BANP: variants seen among roughly 807,000 people sequenced by gnomAD.
BANP encodes BTG3 associated nuclear protein.
A neutral mutation model predicts 68.1 loss-of-function variants in BANP; 11 were observed. The ratio of observed to expected loss-of-function variants is 0.16; its 90% confidence interval spans 0.10 to 0.27. BANP has a LOEUF of 0.27. BANP is among the 10% of genes least tolerant of loss of function. The pLI, the probability that BANP is intolerant of heterozygous loss-of-function variation, is 1.00. For synonymous variants in BANP, 329 were observed against 303.2 expected (o/e 1.09, Z -0.88); for missense variants, 504 against 722.7 (o/e 0.70, Z 3.47).
chr16:87,952,754 G>A (rs1019299112), intron 1 of BANP: 3 of 152,148 alleles, frequency 2.0e-5, no homozygotes, highest in African/African-American at 7.2e-5. Flanking sequence ...TGCGATGTTG[G>A]ATTCTGTCAT....
At chr16:87,954,095 C>T (rs62053961) in intron 1 of BANP, among the ~76,000 whole-genome samples, 5 of 152,106 alleles carry the variant, frequency 3.3e-5, no homozygotes, top group African/African-American at 1.2e-4. Flanking sequence ...AGTTCTTCCT[C>T]TCCAGCTCTG....
rs575584318 is a variant in BANP, at chr16:88,020,267, T to C, written c.895+1600T>C. ...CAGCCACAGACGAGGAGTCAGCGCA[T>C]GGTCGTGGATGTGCTCCAACAGGAC... On this transcript the variant is annotated intron_variant, in intron 7 of 13. Transcript: ENST00000682872. 2.0e-5 allele frequency among the ~76,000 whole-genome samples: 3 copies of C among 152,368 alleles called. No individual in the cohort carries two copies. In the East Asian group the frequency reaches 5.8e-4, roughly 29 times the overall value.
chr16:88,049,027 A>G lies in BANP; in HGVS notation c.1311+11016A>G, dbSNP rs556894844. Among the ~76,000 whole-genome samples, 145 of 152,216 alleles carry G rather than the reference A, an allele frequency of 9.5e-4. 2 individuals carry two copies. The highest frequency in any genetic ancestry group is 8.1e-3 in the Admixed American group (124 of 15,290). ...CTCACACCGTGACCATCATCAACAC[A>G]CAAAAAGACTGCTGGGACCAAACGT... is the stretch of plus-strand genomic sequence containing the variant. On this transcript the variant is annotated intron_variant, in intron 11 of 13. Coordinates refer to ENST00000682872, the MANE Select transcript of BANP (RefSeq NM_001386991.1).
intron 13 of BANP, among the ~76,000 whole-genome samples, chr16:88,075,444 C>T (rs1449095065): frequency 6.6e-6 from 1 of 152,132 alleles, no homozygotes; most frequent in Non-Finnish European, 1.5e-5. Flanking sequence ...TCGAGGCGGC[C>T]GTGAGGTGTG....
chr16:87,992,315 T>C (rs1226556210), intron 4 of BANP, among the ~76,000 whole-genome samples: 1 of 152,228 alleles, frequency 6.6e-6, no homozygotes, highest in Non-Finnish European at 1.5e-5. Context: ...TCTGCAGTTT[T>C]CTTTTTTTTG....
chr16:87,998,218 G>C (rs776237986), intron 4 of BANP, among the ~76,000 whole-genome samples: 14 of 152,174 alleles, frequency 9.2e-5, no homozygotes, highest in Non-Finnish European at 1.9e-4. Flanking sequence ...CCCTGTACAG[G>C]GGAAGGCCAC....
intron 6 of BANP, among the ~76,000 whole-genome samples, chr16:88,017,885 A>T (rs1055219916): frequency 1.6e-4 from 24 of 152,204 alleles, no homozygotes; most frequent in African/African-American, 5.6e-4. Context: ...TGCTGGCGTC[A>T]AGGGCATGCT....
intron 11 of BANP, 120 bp downstream of exon 11, chr16:88,038,131 G>T (rs2079843164): frequency 1.0e-6 from 1 of 966,022 alleles, no homozygotes; most frequent in East Asian, 2.6e-5. Flanking sequence ...TGGGCATTGC[G>T]CTGCCGAGGG....
chr16:88,073,035 G>A (rs2090750611), intron 13 of BANP, among the ~76,000 whole-genome samples: 1 of 152,232 alleles, frequency 6.6e-6, no homozygotes, highest in South Asian at 2.1e-4. Flanking sequence ...TCCACCTTCA[G>A]TGCTTAGAAT....
At chr16:88,016,227 C>T (rs1014486980) in intron 6 of BANP, among the ~76,000 whole-genome samples, 11 of 152,264 alleles carry the variant, frequency 7.2e-5, no homozygotes, top group African/African-American at 2.7e-4. Context: ...GGCCTCCCGT[C>T]CATGCAGGAG....
intron 2 of BANP, among the ~76,000 whole-genome samples, chr16:87,978,899 C>G (rs2062729409): frequency 6.6e-6 from 1 of 152,252 alleles, no homozygotes; most frequent in Non-Finnish European, 1.5e-5. Context: ...GGCCCCAGCT[C>G]AGGGCGGCCA....
In BANP at chr16:87,981,940, T is replaced by C. The variant is rs1490346515; in HGVS notation, c.162+813T>C. 2.6e-5 allele frequency among the ~76,000 whole-genome samples: 4 copies of C among 152,244 alleles called. No individual in the cohort carries two copies. In the East Asian group the frequency reaches 7.7e-4, roughly 29 times the overall value. On this transcript the variant is annotated intron_variant, in intron 3 of 13. Coordinates refer to ENST00000682872, the MANE Select transcript of BANP (RefSeq NM_001386991.1). The stretch of plus-strand genomic sequence containing the variant: ...TAAATATCGGCACATGTGAGAAGGT[T>C]ATGAGAGCAACACAAAACCAAAGTC...
chr16:88,074,919 C>T (rs1465316831), intron 13 of BANP, among the ~76,000 whole-genome samples: 2 of 152,206 alleles, frequency 1.3e-5, no homozygotes, highest in Non-Finnish European at 2.9e-5. Flanking sequence ...AAAGCACAAC[C>T]TGGACCAGGT....
intron 1 of BANP, among the ~76,000 whole-genome samples, chr16:87,959,580 G>A (rs373865894): frequency 5.3e-5 from 8 of 152,366 alleles, no homozygotes; most frequent in Middle Eastern, 3.4e-3. Flanking sequence ...CAGCGCTGGC[G>A]TCAGCCACAG....
chr16:87,983,788 T>G (rs138490135), intron 3 of BANP, among the ~76,000 whole-genome samples: 1,765 of 152,330 alleles, frequency 0.012, 34 homozygotes, highest in African/African-American at 0.04. Context: ...TTTTTAAAAT[T>G]AAATGGGCTT....
intron 1 of BANP, among the ~76,000 whole-genome samples, chr16:87,964,939 C>T (rs959696835): frequency 6.6e-6 from 1 of 152,126 alleles, no homozygotes; most frequent in African/African-American, 2.4e-5. Context: ...ATTGAGACGA[C>T]CCCTTAGGGG....
intron 3 of BANP, among the ~76,000 whole-genome samples, 187 bp downstream of exon 3, chr16:87,981,314 C>T (rs1162985822): frequency 2.0e-5 from 3 of 152,206 alleles, no homozygotes; most frequent in Non-Finnish European, 4.4e-5. Context: ...TCCTTCCTGC[C>T]TCTTCCAGCT....
intron 7 of BANP, among the ~76,000 whole-genome samples, chr16:88,023,481 A>T (rs1598548057): frequency 9.6e-6 from 1 of 104,444 alleles, no homozygotes; most frequent in Admixed American, 9.3e-5. Context: ...TTGTTTTTCT[A>T]GGCAGCGCTG....
At chr16:88,058,558 T>C (rs1255081567) in intron 11 of BANP, among the ~76,000 whole-genome samples, 1 of 152,182 alleles carries the variant, frequency 6.6e-6, no homozygotes, top group African/African-American at 2.4e-5. Context: ...CTGTTTCCTC[T>C]CACACAGGCA....
Sources: gnomAD v4.1 joint callset for allele counts (sites outside exome capture counted in the v4.1 genomes callset) on GRCh38, gnomAD v4.1.1 for gene constraint, MANE v1.5 for transcripts, NCBI Gene and HGNC (gene_info 2026-07-23, HGNC 2026-07-21) for gene names.